BICRAL: variants seen among roughly 807,000 people sequenced by gnomAD.
BICRAL encodes BRD4-interacting chromatin-remodeling complex-associated protein-like.
BICRAL carries 8 observed loss-of-function variants against 91.8 expected under a neutral mutation model. The ratio of observed to expected loss-of-function variants is 0.09; its 90% confidence interval spans 0.05 to 0.16. BICRAL has a LOEUF of 0.16. Among genes scored for constraint, BICRAL ranks in the 10% least tolerant of loss-of-function variants. BICRAL has a pLI of 1.00. For synonymous variants in BICRAL, 445 were observed against 491.1 expected, an observed-to-expected ratio of 0.91 and a Z score of 1.24; for missense variants, 1,038 against 1,310.9, an observed-to-expected ratio of 0.79 and a Z score of 3.21.
At chr6:42,757,397 G>A (rs933793730) in intron 1 of BICRAL, among the ~76,000 whole-genome samples, 4 of 151,902 alleles carry the variant, frequency 2.6e-5, no homozygotes, top group Admixed American at 1.3e-4. Context: ...GACTATAGGC[G>A]CCTGCCACAA....
intron 6 of BICRAL, among the ~76,000 whole-genome samples, chr6:42,841,181 ATAT>A (rs1562488757): frequency 1.6e-4 from 22 of 134,448 alleles, no homozygotes; most frequent in African/African-American, 5.5e-4. Context: ...TCACTCTTGA[ATAT>A]TTTTTTTTTT....
rs1763820570 is a variant in BICRAL, at chr6:42,810,533, A to C, written c.-6+132A>C. The C allele has an allele frequency of 2.6e-5, 4 of 152,346 alleles. No individual in the cohort carries two copies. The South Asian group carries it at 8.3e-4, about 32-fold the overall frequency. 9.4% of individuals were successfully genotyped at this position (152,346 alleles called of 1,614,324 possible). A position where few individuals can be genotyped will look rare whatever the true frequency, so the allele number is the denominator to read the frequency against. ...ACAATTACAATATAGTAAAAAGAAT[A>C]AGATGAGAATACTTTACATCCTTAT... is the stretch of plus-strand genomic sequence containing the variant. On this transcript the variant is annotated intron_variant, in intron 2 of 12. Coordinates refer to ENST00000314073, the MANE Select transcript of BICRAL (RefSeq NM_001393499.1).
rs563871256 is a variant in BICRAL at position 42,782,413 on chromosome 6, G to A, written c.-102+312G>A. Among the ~76,000 whole-genome samples the A allele has an allele frequency of 2.2e-4, 33 of 149,160 alleles. No homozygotes were observed. In the East Asian group the frequency reaches 6.5e-3, roughly 30 times the overall value. On this transcript the variant is annotated intron_variant, in intron 1 of 12. Coordinates refer to ENST00000314073, the MANE Select transcript of BICRAL (RefSeq NM_001393499.1). ...ATGTTTAATGGACACGGAGAAAAGG[G>A]GAATCGAGTGTTTATGCCTTTCCCA... is the stretch of plus-strand genomic sequence containing the variant.
At chr6:42,748,983 A>T (rs886588669) in intron 1 of BICRAL, among the ~76,000 whole-genome samples, 1 of 152,168 alleles carries the variant, frequency 6.6e-6, no homozygotes, top group Non-Finnish European at 1.5e-5. Context: ...ATGTAGCAAA[A>T]GGCAAGCAGC....
intron 6 of BICRAL, among the ~76,000 whole-genome samples, chr6:42,837,669 T>C (rs1272248678): frequency 1.3e-5 from 2 of 151,808 alleles, no homozygotes; most frequent in Non-Finnish European, 2.9e-5. Flanking sequence ...GGAGAATTGC[T>C]TGAACCTGGG....
At chr6:42,769,791 T>TA (rs1260372951) in intron 1 of BICRAL, among the ~76,000 whole-genome samples, 1 of 152,208 alleles carries the variant, frequency 6.6e-6, no homozygotes, top group African/African-American at 2.4e-5. Context: ...TTCAAAAACT[T>TA]AAAGATCACC....
intron 5 of BICRAL, among the ~76,000 whole-genome samples, chr6:42,826,124 G>A (rs1170196905): frequency 1.5e-5 from 2 of 137,828 alleles, no homozygotes; most frequent in African/African-American, 5.0e-5. Context: ...TTAGAGATGA[G>A]GAAACTAAAG....
At chr6:42,764,972 A>G (rs993290673) in intron 1 of BICRAL, among the ~76,000 whole-genome samples, 1 of 152,170 alleles carries the variant, frequency 6.6e-6, no homozygotes, top group African/African-American at 2.4e-5. Context: ...GTTATGTTTT[A>G]AAAATGTTAG....
chr6:42,845,315 G>A (rs780015192), intron 6 of BICRAL, among the ~76,000 whole-genome samples: 96 of 133,406 alleles, frequency 7.2e-4, no homozygotes, highest in Admixed American at 2.9e-3. Context: ...TGTAACCTCC[G>A]ACTCCCGGGT....
chr6:42,761,574 T>C (rs1167827777), intron 1 of BICRAL, among the ~76,000 whole-genome samples: 8 of 152,206 alleles, frequency 5.3e-5, no homozygotes, highest in Admixed American at 1.3e-4. Context: ...TATATACTTC[T>C]TTCATCTGTT....
chr6:42,822,778 T>G lies in BICRAL; in HGVS notation c.42-18T>G, dbSNP rs1422777472. 1.4e-6 allele frequency: 2 copies of G among 1,454,466 alleles called. No homozygotes were observed. The highest frequency in any genetic ancestry group is 1.9e-6 in the Non-Finnish European group (2 of 1,040,192). The allele number at this position is 1,454,466 out of a possible 1,614,324, so 90.1% of individuals were successfully genotyped here. ...TATTTGTTTGTTGTTTTATCTCTTT[T>G]TTTCCTCTCTTTTCTAGAGACCCAC... On this transcript the variant is annotated intron_variant, in intron 3 of 12. Coordinates refer to ENST00000314073, the MANE Select transcript of BICRAL (RefSeq NM_001393499.1).
At chr6:42,831,475 C>T (rs578107468) in intron 6 of BICRAL, among the ~76,000 whole-genome samples, 1 of 152,324 alleles carries the variant, frequency 6.6e-6, no homozygotes, top group African/African-American at 2.4e-5. Context: ...TGGTAAACCA[C>T]ATAAGGATTA....
At chr6:42,818,131 A>G (rs1227279278) in intron 2 of BICRAL, among the ~76,000 whole-genome samples, 2 of 152,128 alleles carry the variant, frequency 1.3e-5, no homozygotes, top group African/African-American at 4.8e-5. Context: ...AGTGTATAAA[A>G]GTTCCTATTT....
intron 1 of BICRAL, among the ~76,000 whole-genome samples, chr6:42,774,340 G>T (rs958959801): frequency 6.6e-6 from 1 of 152,218 alleles, no homozygotes. Context: ...TAGGGGAAAG[G>T]TGGGTGTTAC....
At chr6:42,807,566 T>C (rs1273643754) in intron 1 of BICRAL, among the ~76,000 whole-genome samples, 2 of 151,990 alleles carry the variant, frequency 1.3e-5, no homozygotes, top group African/African-American at 4.8e-5. Context: ...AAGATACAGA[T>C]TCTTTTTTTA....
chr6:42,800,812 G>A (rs942824915), intron 1 of BICRAL, among the ~76,000 whole-genome samples: 1 of 152,064 alleles, frequency 6.6e-6, no homozygotes, highest in African/African-American at 2.4e-5. Flanking sequence ...AATTTTGTTT[G>A]TTAACATTGT....
intron 1 of BICRAL, among the ~76,000 whole-genome samples, chr6:42,765,797 G>C (rs1385198313): frequency 6.6e-6 from 1 of 151,984 alleles, no homozygotes; most frequent in Non-Finnish European, 1.5e-5. Flanking sequence ...ATTATTTGCT[G>C]CTTTTTTTTT....
chr6:42,828,798 T>C lies in BICRAL; in HGVS notation c.465T>C (p.Val155=), dbSNP rs1211279013. The C allele has an allele frequency of 6.2e-6, 10 of 1,614,072 alleles. No homozygotes were observed. The highest frequency in any genetic ancestry group is 1.7e-6 in the Non-Finnish European group (2 of 1,180,034). ...SSASFTQASN[V]SNYSGQTLQP... is the part of the protein sequence containing the mutation. ...CATCCTTTACTCAGGCTTCTAATGT[T>C]TCTAATTACTCAGGTCAGACGCTGC... Residue 155 remains valine (V), a synonymous_variant, in exon 6 of 13, where the codon GTT becomes GTC. Transcript: ENST00000314073.
chr6:42,792,138 G>T lies in BICRAL; in HGVS notation c.-102+10037G>T, dbSNP rs554181150. Among the ~76,000 whole-genome samples the T allele has an allele frequency of 7.2e-5, 11 of 152,308 alleles. No individual in the cohort carries two copies. In the South Asian group the frequency reaches 8.3e-4, roughly 11 times the overall value. On this transcript the variant is annotated intron_variant, in intron 1 of 12. Transcript: ENST00000314073. ...CTGGGTGAGTCAGTGAGTGGTGAAA[G>T]AATGTGAAGGCCTAGGACACTGTGC...
Sources: gnomAD v4.1 joint callset for allele counts (sites outside exome capture counted in the v4.1 genomes callset) on GRCh38, gnomAD v4.1.1 for gene constraint, MANE v1.5 for transcripts, NCBI Gene and HGNC (gene_info 2026-07-23, HGNC 2026-07-21) for gene names.